The following NKD1 variants were observed in gnomAD, a reference collection of about 807,000 sequenced individuals.
The protein encoded by NKD1 is NKD inhibitor of Wnt signaling pathway 1, also known as protein naked cuticle homolog 1.
Under a neutral mutation model 56.0 loss-of-function variants are expected in NKD1, and 21 were observed. The ratio of observed to expected loss-of-function variants is 0.38; its 90% CI spans 0.27 to 0.54. NKD1 has a LOEUF of 0.54. Ranked by LOEUF, NKD1 falls within the 20% of genes least tolerant of loss-of-function variation. The probability of loss-of-function intolerance (pLI) is 0.82; values close to 1 mark genes in which losing one functional copy is unlikely to be tolerated. For synonymous variants in NKD1, 263 were observed against 265.7 expected (o/e 0.99, Z 0.10); for missense variants, 578 against 642.7 (o/e 0.90, Z 1.09).
intron 3 of NKD1, among the ~76,000 whole-genome samples, chr16:50,593,847 T>C (rs1189779444): frequency 6.6e-6 from 1 of 152,238 alleles, no homozygotes. Flanking sequence ...CAAACTTAAC[T>C]GAATGTCCTA....
At chr16:50,560,772 C>G (rs540968191) in intron 3 of NKD1, among the ~76,000 whole-genome samples, 3 of 150,628 alleles carry the variant, frequency 2.0e-5, no homozygotes, top group East Asian at 3.9e-4. Flanking sequence ...ATTTTTTGTT[C>G]TAGTTAAAAA....
chr16:50,565,295 A>C (rs1046218251), intron 3 of NKD1, among the ~76,000 whole-genome samples: 2 of 151,452 alleles, frequency 1.3e-5, no homozygotes, highest in East Asian at 3.9e-4. Flanking sequence ...TGGTGTGAAC[A>C]CGGGAGGCAG....
rs988831802 is a variant in NKD1 at position 50,633,843 on chromosome 16, T to A, written c.*62T>A. The A allele has an allele frequency of 1.2e-5, 9 of 729,688 alleles. No homozygotes were observed. Among genetic ancestry groups the A allele is most frequent in the Non-Finnish European group, 2.0e-5 (9 of 459,364 alleles). 45.2% of individuals were successfully genotyped at this position (729,688 alleles called of 1,614,324 possible). ...ACCCCACCCCCGACACCACAAGGCATTATTATTCTATTAATTATTGTTATT... is the reference window on the plus strand; with the variant it reads ...ACCCCACCCCCGACACCACAAGGCAATATTATTCTATTAATTATTGTTATT... On this transcript the variant is annotated 3_prime_UTR_variant, in exon 10 of 10. Transcript: ENST00000268459. The surrounding 1 kb of genome is among the most constrained non-coding windows in gnomAD (Gnocchi z 4.9).
intron 3 of NKD1, chr16:50,607,214 A>C (rs1056281177): frequency 2.9e-6 from 1 of 349,060 alleles, no homozygotes; most frequent in Non-Finnish European, 5.7e-6. Flanking sequence ...TCTTTAAAAC[A>C]AAAAACAAAA....
At chr16:50,550,693 G>A (rs1374161928) in intron 3 of NKD1, among the ~76,000 whole-genome samples, 3 of 152,084 alleles carry the variant, frequency 2.0e-5, no homozygotes, top group African/African-American at 7.2e-5. Context: ...CTTGGTGGGC[G>A]GGGGGCACTG....
intron 3 of NKD1, among the ~76,000 whole-genome samples, chr16:50,595,995 C>T (rs1021567255): frequency 1.3e-5 from 2 of 152,244 alleles, no homozygotes; most frequent in African/African-American, 4.8e-5. Flanking sequence ...TGCCACCCTG[C>T]TCCCCCTGAG....
intron 3 of NKD1, among the ~76,000 whole-genome samples, chr16:50,569,878 C>T (rs1046657834): frequency 2.6e-5 from 4 of 152,144 alleles, no homozygotes; most frequent in Non-Finnish European, 5.9e-5. Flanking sequence ...GGAAGTCCCG[C>T]ATAGGTGGAT....
Position 50,633,101 on chromosome 16 carries a change from G to A in NKD1, c.824-91G>A. ...GCATTGGGGGGTAGCTCTGGTTTTG[G>A]AGAACTGGGGGCGGGGGTGATGTCT... On this transcript the variant is annotated intron_variant, in intron 9 of 9. Transcript: ENST00000268459. This position sits in a 1 kb window ranked among gnomAD's most constrained non-coding sequence, Gnocchi z 4.9. 5.7e-6 allele frequency: 7 copies of A among 1,237,828 alleles called. No individual in the cohort carries two copies. The highest frequency in any genetic ancestry group is 6.6e-6 in the Non-Finnish European group (6 of 912,974). 76.7% of individuals were successfully genotyped at this position (1,237,828 alleles called of 1,614,324 possible). A position where few individuals can be genotyped will look rare whatever the true frequency, so the allele number is the denominator to read the frequency against.
At chr16:50,564,150 T>G (rs1450660189) in intron 3 of NKD1, among the ~76,000 whole-genome samples, 1 of 152,242 alleles carries the variant, frequency 6.6e-6, no homozygotes, top group Non-Finnish European at 1.5e-5. Context: ...CATAGCTGTG[T>G]TCAGGCTTGG....
At chr16:50,565,929 G>A (rs938897402) in intron 3 of NKD1, among the ~76,000 whole-genome samples, 1 of 152,130 alleles carries the variant, frequency 6.6e-6, no homozygotes, top group African/African-American at 2.4e-5. Context: ...TAGATCATTT[G>A]TGGGCTTCTG....
Position 50,606,680 on chromosome 16 carries a change from C to T in NKD1, c.193-1614C>T, listed in dbSNP as rs201124591. On this transcript the variant is annotated intron_variant, in intron 3 of 9. Coordinates refer to ENST00000268459, the MANE Select transcript of NKD1 (RefSeq NM_033119.5). Reference sequence around the variant, plus strand: ...CAGTAAAAAGACACGAGTACTCAGACGTCTCATTGATGCTGTCACCCGGCT... The same window carrying T: ...CAGTAAAAAGACACGAGTACTCAGATGTCTCATTGATGCTGTCACCCGGCT... 6.9e-4 allele frequency: 296 copies of T among 429,218 alleles called. 6 individuals are homozygous for T. The highest frequency in any genetic ancestry group is 6.5e-4 in the South Asian group (41 of 63,294). 26.6% of individuals were successfully genotyped at this position (429,218 alleles called of 1,614,324 possible). A position where few individuals can be genotyped will look rare whatever the true frequency, so the allele number is the denominator to read the frequency against.
At chr16:50,566,122 G>T in intron 3 of NKD1, 7 of 984,242 alleles carry the variant, frequency 7.1e-6, no homozygotes, top group South Asian at 4.7e-5. Flanking sequence ...GCTTCAGGGG[G>T]AGCTTGTGGT....
chr16:50,599,535 G>C (rs536510794), intron 3 of NKD1, among the ~76,000 whole-genome samples: 93 of 152,340 alleles, frequency 6.1e-4, no homozygotes, highest in Non-Finnish European at 1.2e-3. Context: ...TTCTAGGGCT[G>C]CTGGGAGCAC....
At chr16:50,550,966 C>CT (rs200871470) in intron 3 of NKD1, among the ~76,000 whole-genome samples, 1,722 of 151,758 alleles carry the variant, frequency 0.011, 43 homozygotes, top group African/African-American at 0.04. Context: ...TTTTTCTTTT[C>CT]TTTTTTTTCT....
At chr16:50,627,694 C>G (rs191918642) in intron 6 of NKD1, among the ~76,000 whole-genome samples, 10 of 152,234 alleles carry the variant, frequency 6.6e-5, no homozygotes, top group African/African-American at 2.2e-4. Flanking sequence ...ACCTGCTCCC[C>G]CTTCAGGCGT....
chr16:50,562,208 C>A, intron 3 of NKD1: 1 of 549,696 alleles, frequency 1.8e-6, no homozygotes, highest in Non-Finnish European at 2.3e-6. Flanking sequence ...AGGAAAGAGA[C>A]CCTGAGACGC....
intron 3 of NKD1, among the ~76,000 whole-genome samples, chr16:50,592,368 C>A (rs113962931): frequency 2.0e-5 from 3 of 152,338 alleles, no homozygotes; most frequent in African/African-American, 4.8e-5. Context: ...CTCCCCACTC[C>A]ATGATTCATA....
At chr16:50,604,372 T>G (rs185489376) in intron 3 of NKD1, among the ~76,000 whole-genome samples, 1 of 152,324 alleles carries the variant, frequency 6.6e-6, no homozygotes, top group Non-Finnish European at 1.5e-5. Context: ...TGGGGCATGT[T>G]TCCAGGTGTC....
chr16:50,632,286 A>G lies in NKD1; in HGVS notation c.701A>G (p.Gln234Arg), dbSNP rs764497123. Reference sequence around the variant, plus strand: ...ACTTGCCTCCCCTGCCGTAGGTTCCAGGGTGACAGCCGCCTGGAGCAGTCT... The same window carrying G: ...ACTTGCCTCCCCTGCCGTAGGTTCCGGGGTGACAGCCGCCTGGAGCAGTCT... ...EKKQRAPLRF[Q>R]GDSRLEQSGC... Residue 234 changes from glutamine to arginine, a missense_variant, in exon 9 of 10, where the codon CAG (glutamine) becomes CGG (arginine). Physicochemically the swap from Gln to Arg is conservative, Grantham distance 43 (BLOSUM62 1). Transcript: ENST00000268459. This position sits in a 1 kb window ranked among gnomAD's most constrained non-coding sequence, Gnocchi z 4.1. 15 of 1,614,004 alleles carry G rather than the reference A, an allele frequency of 9.3e-6. No individual in the cohort carries two copies. The highest frequency in any genetic ancestry group is 5.5e-5 in the South Asian group (5 of 91,084).
Sources: allele counts gnomAD v4.1 joint callset (sites outside exome capture counted in the v4.1 genomes callset), GRCh38; gene constraint gnomAD v4.1.1; non-coding constraint Gnocchi (gnomAD v3.1); transcripts MANE v1.5; gene names NCBI Gene and HGNC (gene_info 2026-07-23, HGNC 2026-07-21).